ELAVL2: variants seen among roughly 807,000 people sequenced by gnomAD.
The protein encoded by ELAVL2 is ELAV like RNA binding protein 2.
Under a neutral mutation model 34.6 loss-of-function variants are expected in ELAVL2, and 4 were observed. The ratio of observed to expected loss-of-function variants is 0.12; its 90% confidence interval spans 0.06 to 0.26. The LOEUF is 0.26. Among genes scored for constraint, ELAVL2 ranks in the 10% least tolerant of loss-of-function variants. ELAVL2 has a pLI of 1.00. For synonymous variants in ELAVL2, 193 were observed against 154.8 expected (o/e 1.25, Z -1.83); for missense variants, 432 against 442.8 (o/e 0.98, Z 0.22).
chr9:23,761,011 T>C (rs1168524128), intron 2 of ELAVL2, among the ~76,000 whole-genome samples: 3 of 152,042 alleles, frequency 2.0e-5, no homozygotes, highest in Non-Finnish European at 4.4e-5. Context: ...TACCTTATTT[T>C]GCCAATGGAA....
At chr9:23,802,792 G>C (rs1054053320) in intron 1 of ELAVL2, among the ~76,000 whole-genome samples, 1 of 152,168 alleles carries the variant, frequency 6.6e-6, no homozygotes, top group Admixed American at 6.6e-5. Context: ...GATCTATTAA[G>C]CCAGACGTTA....
intron 4 of ELAVL2, 108 bp downstream of exon 4, chr9:23,704,810 T>C (rs1468786001): frequency 4.2e-6 from 6 of 1,412,464 alleles, no homozygotes; most frequent in Middle Eastern, 1.9e-4. Flanking sequence ...GGCCCACATA[T>C]ACCTTTGATA....
At chr9:23,752,680 C>G (rs746165794) in intron 2 of ELAVL2, among the ~76,000 whole-genome samples, 19 of 152,096 alleles carry the variant, frequency 1.2e-4, no homozygotes, top group Non-Finnish European at 2.2e-4. Context: ...GCCTTGATCT[C>G]CTGATGTCAG....
intron 1 of ELAVL2, among the ~76,000 whole-genome samples, chr9:23,808,469 G>A (rs1404738859): frequency 1.3e-5 from 2 of 152,014 alleles, no homozygotes; most frequent in African/African-American, 4.8e-5. Context: ...CATGTAAACT[G>A]GCAAAATAAT....
At chr9:23,772,952 C>A (rs533525585) in intron 1 of ELAVL2, among the ~76,000 whole-genome samples, 4 of 152,084 alleles carry the variant, frequency 2.6e-5, no homozygotes, top group Non-Finnish European at 5.9e-5. Flanking sequence ...TCTTGCTCCC[C>A]CAAAGACAGC....
intron 5 of ELAVL2, among the ~76,000 whole-genome samples, chr9:23,698,448 AC>A (rs1364904900): frequency 2.4e-4 from 37 of 152,282 alleles, no homozygotes; most frequent in African/African-American, 8.4e-4. Context: ...AAGCTTTTTG[AC>A]CATAAAAGAT....
At chr9:23,724,726 T>G (rs2044636740) in intron 3 of ELAVL2, among the ~76,000 whole-genome samples, 1 of 152,160 alleles carries the variant, frequency 6.6e-6, no homozygotes, top group Admixed American at 6.5e-5. Flanking sequence ...TGTTAAAACT[T>G]GACATGTGGC....
chr9:23,802,597 T>TA (rs1245660599), intron 1 of ELAVL2, among the ~76,000 whole-genome samples: 1 of 152,196 alleles, frequency 6.6e-6, no homozygotes. Flanking sequence ...AAGAATCCAT[T>TA]AGGCTAATCC....
At chr9:23,811,287 CA>C (rs2062953296) in intron 1 of ELAVL2, among the ~76,000 whole-genome samples, 1 of 150,472 alleles carries the variant, frequency 6.6e-6, no homozygotes, top group South Asian at 2.1e-4. Flanking sequence ...TCCACTAAAT[CA>C]AAAAGGTAAC....
intron 3 of ELAVL2, among the ~76,000 whole-genome samples, chr9:23,716,595 G>A (rs2042367631): frequency 6.6e-6 from 1 of 152,148 alleles, no homozygotes; most frequent in Non-Finnish European, 1.5e-5. Context: ...GCAATAGACA[G>A]AAGCTTCCTC....
At chr9:23,850,556 G>C in the ELAVL2 span, among the ~76,000 whole-genome samples, 1 of 151,940 alleles carries the variant, frequency 6.6e-6, no homozygotes, top group Non-Finnish European at 1.5e-5. Context: ...AGCCCCAGGA[G>C]CAGGGCAAGC....
chr9:23,797,257 C>T (rs991768871), intron 1 of ELAVL2, among the ~76,000 whole-genome samples: 1 of 152,100 alleles, frequency 6.6e-6, no homozygotes, highest in Non-Finnish European at 1.5e-5. Flanking sequence ...AAAACACAGG[C>T]GTTTTCAAAA....
In ELAVL2 at chr9:23,734,086, T is replaced by C. The variant is rs955496956; in HGVS notation, c.230-2961A>G. On this transcript the variant is annotated intron_variant, in intron 2 of 6. Transcript: ENST00000397312. ...AACTGTATTATTATCCTAAGCAAAA[T>C]AATATGAAAGGGGGTATCTGCTATT... 4.1e-4 allele frequency among the ~76,000 whole-genome samples: 63 copies of C among 152,142 alleles called. 2 individuals are homozygous for C. The highest frequency in any genetic ancestry group is 6.5e-5 in the Admixed American group (1 of 15,270).
chr9:23,718,502 C>T (rs1046152406), intron 3 of ELAVL2, among the ~76,000 whole-genome samples: 2 of 152,070 alleles, frequency 1.3e-5, no homozygotes. Context: ...ATTTAAAAAG[C>T]AGTAACAGCA....
intron 3 of ELAVL2, among the ~76,000 whole-genome samples, chr9:23,708,008 T>C (rs1363000884): frequency 1.3e-5 from 2 of 152,098 alleles, no homozygotes; most frequent in African/African-American, 2.4e-5. Flanking sequence ...TTAATGCTTA[T>C]ATAAAGGCTT....
the ELAVL2 span, among the ~76,000 whole-genome samples, chr9:23,843,694 C>A: frequency 6.6e-6 from 1 of 152,026 alleles, no homozygotes; most frequent in Admixed American, 6.6e-5. Flanking sequence ...TAGCCCAGAT[C>A]ACAGGCAATC....
chr9:23,811,302 G>A (rs2062956415), intron 1 of ELAVL2, among the ~76,000 whole-genome samples: 1 of 151,676 alleles, frequency 6.6e-6, no homozygotes, highest in Admixed American at 6.6e-5. Flanking sequence ...AGGTAACGCA[G>A]CGTACAAGCT....
At chr9:23,850,258 C>T in the ELAVL2 span, among the ~76,000 whole-genome samples, 1 of 151,324 alleles carries the variant, frequency 6.6e-6, no homozygotes. Flanking sequence ...CCAGCACCCC[C>T]GCGATTACCC....
At chr9:23,720,687 T>C (rs553056234) in intron 3 of ELAVL2, among the ~76,000 whole-genome samples, 2 of 152,332 alleles carry the variant, frequency 1.3e-5, no homozygotes, top group Admixed American at 1.3e-4. Flanking sequence ...ATCCCAGCCA[T>C]TCAACATATC....
Sources: gnomAD v4.1 joint callset for allele counts (sites outside exome capture counted in the v4.1 genomes callset) on GRCh38, gnomAD v4.1.1 for gene constraint, MANE v1.5 for transcripts, NCBI Gene and HGNC (gene_info 2026-07-23, HGNC 2026-07-21) for gene names.